INTS7: variants seen among roughly 807,000 people sequenced by gnomAD.
INTS7 encodes the protein chromosome 1 open reading frame 73.
In INTS7, 46 loss-of-function variants were observed where a neutral mutation model predicts 109.2. That is an observed-to-expected ratio of 0.42 (90% CI 0.33 to 0.54). The LOEUF is 0.54. Among genes scored for constraint, INTS7 ranks in the 20% least tolerant of loss-of-function variants. The probability of loss-of-function intolerance (pLI) is 0.07; values close to 1 mark genes in which losing one functional copy is unlikely to be tolerated. For missense variants in INTS7, 929 were observed against 1,132.4 expected (o/e 0.82, Z 2.58); for synonymous variants, 412 against 402.9 (o/e 1.02, Z -0.27).
intron 1 of INTS7, among the ~76,000 whole-genome samples, chr1:212,032,483 C>CTT (rs922965045): frequency 1.4e-5 from 2 of 145,718 alleles, no homozygotes; most frequent in African/African-American, 5.0e-5. Flanking sequence ...GGTTATCTTT[C>CTT]TTTTTTTTTT....
intron 13 of INTS7, among the ~76,000 whole-genome samples, chr1:211,972,050 G>A (rs1664205509): frequency 1.3e-5 from 2 of 152,026 alleles, no homozygotes; most frequent in Admixed American, 1.3e-4. Flanking sequence ...CAAATGTGGA[G>A]GTGCACATAA....
In INTS7 at chr1:211,981,125, C is replaced by T; in HGVS notation, c.1198G>A (p.Asp400Asn). The change falls in exon 10 of 20, where the codon GAT (aspartate) becomes AAT (asparagine). Residue 400 changes from aspartate to asparagine, a missense_variant. Physicochemically the swap from Asp to Asn is conservative, Grantham distance 23. Coordinates refer to ENST00000366994, the MANE Select transcript of INTS7 (RefSeq NM_015434.4). ...GTGGCCTGAGCACCTGGACTATCAT[C>T]TTGACTACAAAGTACCAGTAGGGAT... Reference protein sequence around the residue: ...LESLLVLCSQDDSPGAQATLK... With the variant: ...LESLLVLCSQNDSPGAQATLK... 1.2e-6 allele frequency: 2 copies of T among 1,613,424 alleles called. No homozygotes were observed. Among genetic ancestry groups the T allele is most frequent in the Non-Finnish European group, 1.7e-6 (2 of 1,179,476 alleles).
chr1:211,997,947 A>G (rs1665484007), intron 7 of INTS7, among the ~76,000 whole-genome samples: 1 of 152,002 alleles, frequency 6.6e-6, no homozygotes, highest in Admixed American at 6.6e-5. Flanking sequence ...AGATGTAAAG[A>G]CCAACAAAAA....
chr1:212,015,051 A>C (rs939034606), intron 4 of INTS7, among the ~76,000 whole-genome samples: 1 of 151,538 alleles, frequency 6.6e-6, no homozygotes, highest in South Asian at 2.1e-4. Flanking sequence ...GGAGGTGAGG[A>C]GCGCCTCCGC....
chr1:211,964,834 G>A (rs1021682437), intron 16 of INTS7, among the ~76,000 whole-genome samples: 4 of 152,158 alleles, frequency 2.6e-5, no homozygotes, highest in Non-Finnish European at 5.9e-5. Context: ...ATGGATTAAA[G>A]ACTTAAATGT....
intron 7 of INTS7, among the ~76,000 whole-genome samples, chr1:212,004,019 A>C (rs1466464432): frequency 6.6e-6 from 1 of 152,252 alleles, no homozygotes; most frequent in Non-Finnish European, 1.5e-5. Context: ...GCTCCATCTG[A>C]AAATGACAAA....
chr1:211,971,966 TTA>T (rs908352210), intron 13 of INTS7, among the ~76,000 whole-genome samples: 5 of 118,762 alleles, frequency 4.2e-5, no homozygotes, highest in African/African-American at 1.6e-4. Context: ...AAAGAAAAAA[TTA>T]TAAAGAAAGG....
chr1:212,019,144 G>A (rs529543542), intron 3 of INTS7, among the ~76,000 whole-genome samples: 53 of 152,176 alleles, frequency 3.5e-4, no homozygotes, highest in Admixed American at 2.7e-3. Context: ...CCAGCTACTC[G>A]GGAGGCTGAG....
At chr1:211,945,425 T>C (rs1221948647) in intron 18 of INTS7, among the ~76,000 whole-genome samples, 4 of 152,246 alleles carry the variant, frequency 2.6e-5, no homozygotes, top group African/African-American at 7.2e-5. Flanking sequence ...AAAAAGTCAA[T>C]ATCTACAAAT....
chr1:212,033,703 A>G (rs971279194), intron 1 of INTS7, among the ~76,000 whole-genome samples: 1 of 152,220 alleles, frequency 6.6e-6, no homozygotes, highest in Non-Finnish European at 1.5e-5. Flanking sequence ...TAGAACTCGT[A>G]GGGATATTAG....
chr1:211,948,488 C>G (rs1192157592), intron 17 of INTS7, among the ~76,000 whole-genome samples: 1 of 152,192 alleles, frequency 6.6e-6, no homozygotes, highest in Admixed American at 6.5e-5. Flanking sequence ...CAAGGGACTT[C>G]AGGCTGTTTT....
At position 211,940,759 on chromosome 1, in the gene INTS7, C is replaced by T. The variant is rs1427903655; in HGVS notation, c.*1065G>A. ...TCTAAACAATCAGTCTAGCATAACT[C>T]ATCAAGTATAAACCAAACCAATCAC... On this transcript the variant is annotated 3_prime_UTR_variant, in exon 20 of 20. Transcript: ENST00000366994. 1 of 152,222 alleles carries T rather than the reference C, an allele frequency of 6.6e-6. No homozygotes were observed. The highest frequency in any genetic ancestry group is 1.5e-5 in the Non-Finnish European group (1 of 68,040). The allele number at this position is 152,222 out of a possible 1,614,324, so 9.4% of individuals were successfully genotyped here. A position where few individuals can be genotyped will look rare whatever the true frequency, so the allele number is the denominator to read the frequency against.
At chr1:212,033,214 G>A (rs1007742047) in intron 1 of INTS7, among the ~76,000 whole-genome samples, 3 of 152,202 alleles carry the variant, frequency 2.0e-5, no homozygotes, top group African/African-American at 7.2e-5. Context: ...GTTGGAACTT[G>A]TAGCCTTCTG....
chr1:212,000,502 TGTCA>T (rs1665620006), intron 7 of INTS7, among the ~76,000 whole-genome samples: 1 of 152,186 alleles, frequency 6.6e-6, no homozygotes, highest in South Asian at 2.1e-4. Context: ...CCCTACAATC[TGTCA>T]AAGTATTCAA....
intron 13 of INTS7, among the ~76,000 whole-genome samples, chr1:211,972,525 C>T (rs1664224601): frequency 6.6e-6 from 1 of 152,120 alleles, no homozygotes; most frequent in Admixed American, 6.5e-5. Context: ...CCTCAAAATA[C>T]AAAACACTCC....
rs113185759 is a variant in INTS7, at chr1:211,967,986, A to T, written c.2011-5T>A. The stretch of plus-strand genomic sequence containing the variant: ...TTCTTCCATGGACTGTTTCATCTAT[A>T]AAAAAAAATCAATTATGACAAACAA... On this transcript the variant is annotated splice_region_variant and splice_polypyrimidine_tract_variant and intron_variant, in intron 14 of 19. Coordinates refer to ENST00000366994, the MANE Select transcript of INTS7 (RefSeq NM_015434.4). 60 of 1,400,232 alleles carry T rather than the reference A, an allele frequency of 4.3e-5. 1 individual carries two copies. Among genetic ancestry groups the T allele is most frequent in the African/African-American group, 7.3e-5 (5 of 68,834 alleles). 86.7% of individuals were successfully genotyped at this position (1,400,232 alleles called of 1,614,324 possible).
chr1:211,973,333 C>T (rs1222357785), intron 13 of INTS7, among the ~76,000 whole-genome samples: 2 of 152,228 alleles, frequency 1.3e-5, no homozygotes, highest in African/African-American at 4.8e-5. Flanking sequence ...ATTTGTTACA[C>T]AGCACAGAAA....
intron 9 of INTS7, among the ~76,000 whole-genome samples, chr1:211,981,588 A>G (rs2993536): frequency 0.046 from 6,986 of 152,248 alleles, 225 homozygotes; most frequent in African/African-American, 0.084. Flanking sequence ...TACCTAAGAT[A>G]TAACAGTTTT....
At chr1:211,973,139 T>A (rs944387785) in intron 13 of INTS7, among the ~76,000 whole-genome samples, 7 of 151,752 alleles carry the variant, frequency 4.6e-5, no homozygotes, top group African/African-American at 1.7e-4. Flanking sequence ...AGAGACGGGG[T>A]TTTCCAACAT....
Sources: allele counts gnomAD v4.1 joint callset (sites outside exome capture counted in the v4.1 genomes callset), GRCh38; gene constraint gnomAD v4.1.1; transcripts MANE v1.5; gene names NCBI Gene and HGNC (gene_info 2026-07-23, HGNC 2026-07-21).